The following COL27A1 variants were observed in gnomAD, a reference collection of about 807,000 sequenced individuals.
COL27A1 encodes collagen alpha-1(XXVII) chain.
Under a neutral mutation model 251.3 loss-of-function variants are expected in COL27A1, and 106 were observed. That is an observed-to-expected ratio of 0.42 (90% CI 0.36 to 0.50). The LOEUF (loss-of-function observed/expected upper bound fraction) is 0.50. COL27A1 is among the 20% of genes least tolerant of loss of function. COL27A1 has a pLI of 0.00. For synonymous variants in COL27A1, 1,000 were observed against 986.3 expected (o/e 1.01, Z -0.26); for missense variants, 2,325 against 2,522.8 (o/e 0.92, Z 1.68).
intron 19 of COL27A1, among the ~76,000 whole-genome samples, chr9:114,239,444 G>C (rs1449350682): frequency 1.3e-5 from 2 of 152,242 alleles, no homozygotes; most frequent in Non-Finnish European, 2.9e-5. Context: ...GAGGCCCAGA[G>C]AGGCTAAGGA....
chr9:114,216,791 G>T (rs1465371723), intron 12 of COL27A1, among the ~76,000 whole-genome samples: 1 of 152,058 alleles, frequency 6.6e-6, no homozygotes, highest in Non-Finnish European at 1.5e-5. Flanking sequence ...GGAGACAGGG[G>T]TTGACTCCCG....
intron 21 of COL27A1, 142 bp downstream of exon 21, chr9:114,240,629 AC>A: frequency 1.4e-6 from 1 of 726,902 alleles, no homozygotes; most frequent in Non-Finnish European, 2.2e-6. Flanking sequence ...AGACTTACCC[AC>A]CAGCTCATCC....
At chr9:114,289,891 C>T (rs1827787170) in intron 45 of COL27A1, among the ~76,000 whole-genome samples, 167 bp from the exon 46 acceptor site, 1 of 152,180 alleles carries the variant, frequency 6.6e-6, no homozygotes, top group Non-Finnish European at 1.5e-5. Flanking sequence ...CCAGGAGGTT[C>T]CAAGGCCAGC....
chr9:114,224,277 T>C (rs1831313692), intron 14 of COL27A1, among the ~76,000 whole-genome samples: 1 of 152,324 alleles, frequency 6.6e-6, no homozygotes, highest in Non-Finnish European at 1.5e-5. Context: ...AAACTCCAAA[T>C]TGAACACCTC....
chr9:114,181,662 A>G (rs2135165951), intron 4 of COL27A1, among the ~76,000 whole-genome samples: 1 of 152,258 alleles, frequency 6.6e-6, no homozygotes, highest in South Asian at 2.1e-4. Flanking sequence ...TTAGGGCTCT[A>G]TTTATATTAC....
intron 17 of COL27A1, among the ~76,000 whole-genome samples, chr9:114,236,082 C>T (rs765317369): frequency 1.1e-4 from 16 of 151,978 alleles, no homozygotes; most frequent in South Asian, 2.1e-4. Flanking sequence ...AACCGCCTGC[C>T]GTGGGCCTCT....
intron 2 of COL27A1, 117 bp downstream of exon 2, chr9:114,162,902 T>A: frequency 1.4e-6 from 1 of 703,556 alleles, no homozygotes; most frequent in Non-Finnish European, 2.5e-6. Context: ...AGTTTTCCCA[T>A]CAGTAGAATG....
intron 22 of COL27A1, among the ~76,000 whole-genome samples, chr9:114,242,873 A>G (rs1056736220): frequency 3.3e-5 from 5 of 152,156 alleles, no homozygotes; most frequent in African/African-American, 1.2e-4. Context: ...AATTCACGCT[A>G]TTTTCCATAG....
intron 23 of COL27A1, among the ~76,000 whole-genome samples, chr9:114,244,249 G>A (rs375164365): frequency 1.4e-4 from 22 of 152,096 alleles, no homozygotes; most frequent in African/African-American, 3.9e-4. Context: ...GTTTCTTTAC[G>A]CACAGAGCAG....
At chr9:114,251,977 A>C (rs1383193200) in intron 25 of COL27A1, among the ~76,000 whole-genome samples, 2 of 152,222 alleles carry the variant, frequency 1.3e-5, no homozygotes, top group African/African-American at 4.8e-5. Flanking sequence ...TCAGACACAT[A>C]GTAGGTGCTC....
At chr9:114,257,785 T>C (rs1834030850) in intron 27 of COL27A1, among the ~76,000 whole-genome samples, 1 of 152,032 alleles carries the variant, frequency 6.6e-6, no homozygotes, top group Non-Finnish European at 1.5e-5. Flanking sequence ...TGGGAGAAAA[T>C]ATTCAGGAAA....
At chr9:114,268,074 A>G (rs1001324887) in intron 34 of COL27A1, among the ~76,000 whole-genome samples, 8 of 152,194 alleles carry the variant, frequency 5.3e-5, no homozygotes, top group African/African-American at 1.9e-4. Context: ...TCTCCCTGTC[A>G]TTCAAAGAGG....
intron 34 of COL27A1, among the ~76,000 whole-genome samples, chr9:114,268,579 C>T (rs1461690858): frequency 6.6e-6 from 1 of 152,174 alleles, no homozygotes; most frequent in Non-Finnish European, 1.5e-5. Context: ...AACCAGACTG[C>T]CCAGGTTCGG....
At chr9:114,191,719 A>G (rs1289465696) in intron 5 of COL27A1, among the ~76,000 whole-genome samples, 1 of 152,224 alleles carries the variant, frequency 6.6e-6, no homozygotes, top group East Asian at 1.9e-4. Context: ...TAGTGCTGCA[A>G]TGAATATACA....
At chr9:114,222,618 AAGG>A (rs1261833665) in intron 14 of COL27A1, among the ~76,000 whole-genome samples, 1 of 152,178 alleles carries the variant, frequency 6.6e-6, no homozygotes, top group Non-Finnish European at 1.5e-5. Flanking sequence ...GTTGCTCTGC[AAGG>A]AGGTGTGGGC....
Position 114,168,042 on chromosome 9 carries a change from C to G in COL27A1, c.487C>G (p.Leu163Val), listed in dbSNP as rs1399014023. ...GCGCTGGCACCACCTGGCCCTCGAG[C>G]TCCGAGGCCGCACAGTCACTCTGGT... ...DGRWHHLALE[L>V]RGRTVTLVTA... The change falls in exon 3 of 61, where the codon CTC becomes GTC. Residue 163 changes from leucine to valine, a missense_variant. By Grantham distance (32) the Leu-to-Val change is conservative. This residue lies in a region of COL27A1 where 1,183 missense variants were observed against 1,144.1 expected (regional missense o/e 1.03). Transcript: ENST00000356083. 1.2e-6 allele frequency: 2 copies of G among 1,606,404 alleles called. No homozygotes were observed. The highest frequency in any genetic ancestry group is 1.7e-6 in the Non-Finnish European group (2 of 1,179,752).
chr9:114,291,182 C>T (rs2131628752), intron 48 of COL27A1, among the ~76,000 whole-genome samples: 1 of 152,298 alleles, frequency 6.6e-6, no homozygotes, highest in East Asian at 1.9e-4. Flanking sequence ...CGGGCGCCCT[C>T]TCGTGGACAT....
intron 58 of COL27A1, chr9:114,307,230 C>T (rs1298699015): frequency 1.1e-5 from 2 of 174,424 alleles, no homozygotes; most frequent in Non-Finnish European, 2.4e-5. Flanking sequence ...CCTGAGAAGC[C>T]CAGTGGGGAA....
In COL27A1 at chr9:114,178,360, C is replaced by G. The variant is rs780732482; in HGVS notation, c.1962+16C>G. Reference sequence around the variant, plus strand: ...TGGGCCTCGGGTGAGTTATCTCACACTGTCCTTTGGAACTCTTGGTGGCTC... The same window carrying G: ...TGGGCCTCGGGTGAGTTATCTCACAGTGTCCTTTGGAACTCTTGGTGGCTC... On this transcript the variant is annotated intron_variant, in intron 4 of 60. Coordinates refer to ENST00000356083, the MANE Select transcript of COL27A1 (RefSeq NM_032888.4). 7 of 1,613,410 alleles carry G rather than the reference C, an allele frequency of 4.3e-6. No homozygotes were observed. The African/African-American group carries it at 5.3e-5, about 12-fold the overall frequency.
Sources: allele counts gnomAD v4.1 joint callset (sites outside exome capture counted in the v4.1 genomes callset), GRCh38; gene constraint gnomAD v4.1.1; regional missense constraint gnomAD v4.1.1; transcripts MANE v1.5; gene names NCBI Gene and HGNC (gene_info 2026-07-23, HGNC 2026-07-21).